Variants in SPSB4 observed in about 807,000 individuals in gnomAD.
SPSB4 encodes the protein SPRY domain-containing SOCS box protein 4.
SPSB4 carries 21 observed loss-of-function variants against 20.9 expected under a neutral mutation model. The ratio of observed to expected loss-of-function variants is 1.01; its 90% CI spans 0.71 to 1.45. The LOEUF (loss-of-function observed/expected upper bound fraction) is 1.45, where lower values mean the gene tolerates loss of function less well. Ranked by LOEUF, SPSB4 falls within the 40% of genes most tolerant of loss-of-function variation. The pLI, the probability that SPSB4 is intolerant of heterozygous loss-of-function variation, is 0.00. For missense variants in SPSB4, 399 were observed against 399.2 expected (o/e 1.00, Z 0.00); for synonymous variants, 207 against 183.8 (o/e 1.13, Z -1.02).
intron 1 of SPSB4, among the ~76,000 whole-genome samples, chr3:141,061,914 T>C (rs925734990): frequency 6.6e-5 from 10 of 152,178 alleles, no homozygotes; most frequent in Admixed American, 2.0e-4. Flanking sequence ...TTTATTTTTT[T>C]AGTAGAGACA....
At chr3:141,069,981 C>T (rs1437039603) in intron 2 of SPSB4, among the ~76,000 whole-genome samples, 10 of 152,216 alleles carry the variant, frequency 6.6e-5, no homozygotes, top group Non-Finnish European at 1.3e-4. Context: ...ACTGAGGGCA[C>T]GAACTCCTGG....
intron 2 of SPSB4, chr3:141,132,306 T>C (rs1156894665): frequency 2.9e-6 from 1 of 344,880 alleles, no homozygotes; most frequent in Non-Finnish European, 5.6e-6. Context: ...TAGCTGGGAC[T>C]ACAGGTGAGC....
At position 141,141,403 on chromosome 3, in the gene SPSB4, C is replaced by T. The variant is rs947406752; in HGVS notation, c.695-5739C>T. 4.6e-5 allele frequency among the ~76,000 whole-genome samples: 7 copies of T among 152,344 alleles called. No individual in the cohort carries two copies. In the East Asian group the frequency reaches 9.6e-4, roughly 21 times the overall value. ...GTACCTCAGTTGGAAATGCAGAAAT[C>T]ACCCATCTTCTGCATCGCTCACGCT... is the stretch of plus-strand genomic sequence containing the variant. On this transcript the variant is annotated intron_variant, in intron 2 of 2. Coordinates refer to ENST00000310546, the MANE Select transcript of SPSB4 (RefSeq NM_080862.3).
chr3:141,065,834 G>A (rs553406174), intron 1 of SPSB4, 118 bp from the exon 2 acceptor site: 5 of 441,362 alleles, frequency 1.1e-5, no homozygotes, highest in African/African-American at 6.2e-5. Flanking sequence ...ATGAGTGTAC[G>A]AATTATTACT....
intron 2 of SPSB4, among the ~76,000 whole-genome samples, chr3:141,087,463 A>G (rs1203767468): frequency 6.6e-6 from 1 of 152,178 alleles, no homozygotes. Context: ...ACCCAGGAAG[A>G]GGGTCCCAGT....
chr3:141,102,446 G>A (rs921479089), intron 2 of SPSB4, among the ~76,000 whole-genome samples: 1 of 152,194 alleles, frequency 6.6e-6, no homozygotes, highest in Admixed American at 6.5e-5. Flanking sequence ...GGCCTGGTCT[G>A]TCTTGAGAGC....
chr3:141,122,433 A>T (rs1938983456), intron 2 of SPSB4, among the ~76,000 whole-genome samples: 1 of 152,216 alleles, frequency 6.6e-6, no homozygotes, highest in Non-Finnish European at 1.5e-5. Context: ...CCATGCTGGG[A>T]GAACCACTGC....
At chr3:141,088,928 T>A (rs1205064671) in intron 2 of SPSB4, among the ~76,000 whole-genome samples, 1 of 152,194 alleles carries the variant, frequency 6.6e-6, no homozygotes, top group African/African-American at 2.4e-5. Context: ...CACAGATATA[T>A]TCTAGGCATA....
At chr3:141,073,660 G>A (rs917593403) in intron 2 of SPSB4, among the ~76,000 whole-genome samples, 2 of 152,146 alleles carry the variant, frequency 1.3e-5, no homozygotes, top group Non-Finnish European at 2.9e-5. Flanking sequence ...GTACATAGTC[G>A]GTGCTCAGTA....
intron 2 of SPSB4, among the ~76,000 whole-genome samples, chr3:141,093,497 C>T (rs541366544): frequency 1.2e-3 from 179 of 152,038 alleles, no homozygotes; most frequent in African/African-American, 3.2e-3. Context: ...TCTGCCATAC[C>T]GAGGTGTAAT....
intron 1 of SPSB4, among the ~76,000 whole-genome samples, chr3:141,057,506 C>T (rs563983080): frequency 2.0e-5 from 3 of 152,288 alleles, no homozygotes; most frequent in South Asian, 4.1e-4. Flanking sequence ...TGTTCGTGCT[C>T]GTGCATTCCA....
intron 2 of SPSB4, among the ~76,000 whole-genome samples, chr3:141,125,781 A>T (rs2107802851): frequency 6.6e-6 from 1 of 152,302 alleles, no homozygotes; most frequent in Non-Finnish European, 1.5e-5. Context: ...GCTCATTTTG[A>T]ACTTTAATGA....
At chr3:141,142,618 G>A (rs1221704152) in intron 2 of SPSB4, among the ~76,000 whole-genome samples, 1 of 152,032 alleles carries the variant, frequency 6.6e-6, no homozygotes, top group Non-Finnish European at 1.5e-5. Context: ...TTGGTGAACT[G>A]TCTAGTGCTG....
chr3:141,052,014 G>C (rs1288660050), intron 1 of SPSB4, 22 bp downstream of exon 1: 1 of 152,660 alleles, frequency 6.6e-6, no homozygotes, highest in Admixed American at 6.5e-5. Context: ...CCAGCTCCTG[G>C]TGAGGGGCGC....
chr3:141,130,663 A>C (rs1939117693), intron 2 of SPSB4, among the ~76,000 whole-genome samples: 2 of 152,200 alleles, frequency 1.3e-5, no homozygotes, highest in African/African-American at 4.8e-5. Context: ...TTCTCACTGC[A>C]GGCAGAGAAG....
chr3:141,127,181 T>C (rs1011662370), intron 2 of SPSB4, among the ~76,000 whole-genome samples: 6 of 152,182 alleles, frequency 3.9e-5, no homozygotes, highest in African/African-American at 1.4e-4. Flanking sequence ...TCAGCAGGGC[T>C]GGGGGGTGCA....
intron 1 of SPSB4, among the ~76,000 whole-genome samples, chr3:141,056,576 T>A: frequency 6.6e-6 from 1 of 152,266 alleles, no homozygotes; most frequent in Middle Eastern, 3.2e-3. Flanking sequence ...GCATTCTGTT[T>A]CCAGACAACC....
chr3:141,145,347 A>G (rs1398976100), intron 2 of SPSB4, among the ~76,000 whole-genome samples: 1 of 152,078 alleles, frequency 6.6e-6, no homozygotes, highest in Non-Finnish European at 1.5e-5. Context: ...TCTTGTGCAC[A>G]GCTTCCAAAG....
chr3:141,067,717 C>T (rs911597089), intron 2 of SPSB4, among the ~76,000 whole-genome samples: 1 of 152,188 alleles, frequency 6.6e-6, no homozygotes, highest in Non-Finnish European at 1.5e-5. Context: ...GGCTGCCTGT[C>T]CTGAGTTGAA....
Sources: allele counts gnomAD v4.1 joint callset (sites outside exome capture counted in the v4.1 genomes callset), GRCh38; gene constraint gnomAD v4.1.1; transcripts MANE v1.5; gene names NCBI Gene and HGNC (gene_info 2026-07-23, HGNC 2026-07-21).